The following SAMD12 variants were observed in gnomAD, a reference collection of about 807,000 sequenced individuals.
The protein encoded by SAMD12 is sterile alpha motif domain containing 12, also known as sterile alpha motif domain-containing protein 12.
A neutral mutation model predicts 15.0 loss-of-function variants in SAMD12; 9 were observed. That is an observed-to-expected ratio of 0.60 (90% confidence interval 0.36 to 1.05). The LOEUF (loss-of-function observed/expected upper bound fraction) is 1.05, where lower values mean the gene tolerates loss of function less well. SAMD12 is among the 50% of genes least tolerant of loss of function. The pLI, the probability that SAMD12 is intolerant of heterozygous loss-of-function variation, is 0.01. For missense variants in SAMD12, 230 were observed against 234.2 expected, an observed-to-expected ratio of 0.98 and a Z score of 0.12; for synonymous variants, 86 against 90.1, an observed-to-expected ratio of 0.96 and a Z score of 0.25.
intron 2 of SAMD12, among the ~76,000 whole-genome samples, chr8:118,560,865 T>A (rs181097754): frequency 8.5e-4 from 130 of 152,192 alleles, no homozygotes; most frequent in African/African-American, 3.0e-3. Flanking sequence ...AGAAAAATAA[T>A]ACAAACTTAT....
chr8:118,296,658 G>A lies in SAMD12; in HGVS notation c.433+82902C>T, dbSNP rs530426992. The stretch of plus-strand genomic sequence containing the variant: ...ATAGCAGCTATTTGCTGACACAGCC[G>A]AGATTGGAATAGAAACATGCCTTTC... On this transcript the variant is annotated intron_variant, in intron 4 of 4. Transcript: ENST00000409003. Among the ~76,000 whole-genome samples, 8 of 152,288 alleles carry A rather than the reference G, an allele frequency of 5.3e-5. No individual in the cohort carries two copies. In the East Asian group the frequency reaches 9.7e-4, roughly 18 times the overall value.
intron 2 of SAMD12, among the ~76,000 whole-genome samples, chr8:118,446,600 T>C (rs1822921414): frequency 6.6e-6 from 1 of 152,158 alleles, no homozygotes; most frequent in Non-Finnish European, 1.5e-5. Context: ...ATCCACAGCA[T>C]CCGAAAACGT....
chr8:118,518,573 T>G (rs1825306975), intron 2 of SAMD12, among the ~76,000 whole-genome samples: 1 of 152,188 alleles, frequency 6.6e-6, no homozygotes, highest in Admixed American at 6.5e-5. Context: ...CTTAATACTT[T>G]CTATGCTATC....
intron 2 of SAMD12, among the ~76,000 whole-genome samples, chr8:118,493,761 T>C (rs924729104): frequency 1.3e-5 from 2 of 152,084 alleles, no homozygotes; most frequent in African/African-American, 2.4e-5. Context: ...GTGTGCAACC[T>C]TGGGTGGAAC....
intron 2 of SAMD12, among the ~76,000 whole-genome samples, chr8:118,482,720 T>C (rs953918353): frequency 5.3e-5 from 8 of 152,196 alleles, no homozygotes; most frequent in African/African-American, 1.9e-4. Flanking sequence ...CTCACAGGTA[T>C]GGAAGGATGA....
At chr8:118,585,710 T>C (rs531860010) in intron 1 of SAMD12, among the ~76,000 whole-genome samples, 55 of 152,286 alleles carry the variant, frequency 3.6e-4, no homozygotes, top group African/African-American at 1.3e-3. Flanking sequence ...CCAAAACAGG[T>C]CTTGTCCTAA....
intron 2 of SAMD12, among the ~76,000 whole-genome samples, chr8:118,548,609 G>A (rs569567852): frequency 1.1e-4 from 16 of 152,288 alleles, no homozygotes; most frequent in South Asian, 1.0e-3. Flanking sequence ...CGCAGAAGAC[G>A]GGTGATTTCT....
chr8:118,260,209 T>G (rs1023968874), intron 4 of SAMD12, among the ~76,000 whole-genome samples: 4 of 152,152 alleles, frequency 2.6e-5, no homozygotes, highest in African/African-American at 9.7e-5. Flanking sequence ...GCTTTGGTCA[T>G]CCTGATGATT....
chr8:118,260,507 A>AG (rs1415337688), intron 4 of SAMD12, among the ~76,000 whole-genome samples: 1 of 152,062 alleles, frequency 6.6e-6, no homozygotes, highest in Non-Finnish European at 1.5e-5. Context: ...GGGAGTTCCT[A>AG]GTTGTGCTGG....
At chr8:118,346,654 C>T (rs1335072659) in intron 4 of SAMD12, among the ~76,000 whole-genome samples, 2 of 152,160 alleles carry the variant, frequency 1.3e-5, no homozygotes, top group Non-Finnish European at 2.9e-5. Context: ...CTGCGATTCA[C>T]TAGGAGAACT....
chr8:118,394,633 C>T (rs936385434), intron 3 of SAMD12, among the ~76,000 whole-genome samples: 4 of 152,142 alleles, frequency 2.6e-5, no homozygotes, highest in African/African-American at 9.7e-5. Flanking sequence ...CTGGGTTTAC[C>T]ATGTCTGTAG....
chr8:118,511,236 G>T (rs1448287650), intron 2 of SAMD12, among the ~76,000 whole-genome samples: 2 of 152,206 alleles, frequency 1.3e-5, no homozygotes. Context: ...CACTCAGAAT[G>T]ATGGGAATGG....
At chr8:118,133,733 C>T in the SAMD12 span, among the ~76,000 whole-genome samples, 11 of 151,676 alleles carry the variant, frequency 7.3e-5, no homozygotes, top group Non-Finnish European at 1.6e-4. Context: ...TGAAGTCTAC[C>T]TTAAAAGTGG....
intron 3 of SAMD12, 54 bp downstream of exon 3, chr8:118,439,778 T>G: frequency 6.4e-7 from 1 of 1,571,810 alleles, no homozygotes; most frequent in South Asian, 1.1e-5. Flanking sequence ...GGAAAGGCTA[T>G]CGTGACTGGG....
At chr8:118,471,207 T>G (rs1022790586) in intron 2 of SAMD12, among the ~76,000 whole-genome samples, 8 of 152,260 alleles carry the variant, frequency 5.3e-5, no homozygotes, top group Middle Eastern at 3.4e-3. Flanking sequence ...TTTTAAAAAT[T>G]ATAGAGAATA....
chr8:118,594,083 G>T (rs1827655382), intron 1 of SAMD12, among the ~76,000 whole-genome samples: 1 of 152,128 alleles, frequency 6.6e-6, no homozygotes, highest in South Asian at 2.1e-4. Context: ...AGAGACCCCA[G>T]ATTATCTCTG....
At chr8:118,600,416 CTT>C (rs1370635150) in intron 1 of SAMD12, among the ~76,000 whole-genome samples, 1 of 152,062 alleles carries the variant, frequency 6.6e-6, no homozygotes, top group Non-Finnish European at 1.5e-5. Flanking sequence ...GGTTGGCAAA[CTT>C]TTTCTATAAA....
At chr8:118,467,544 G>T (rs1431025218) in intron 2 of SAMD12, among the ~76,000 whole-genome samples, 1 of 152,166 alleles carries the variant, frequency 6.6e-6, no homozygotes, top group Non-Finnish European at 1.5e-5. Flanking sequence ...TGCAGAACAT[G>T]TGGCCATGAT....
At chr8:118,184,089 A>C in the SAMD12 span, among the ~76,000 whole-genome samples, 1 of 152,222 alleles carries the variant, frequency 6.6e-6, no homozygotes, top group Admixed American at 6.5e-5. Flanking sequence ...AGGAAATTAA[A>C]TCATATTTCA....
Sources: allele counts gnomAD v4.1 joint callset (sites outside exome capture counted in the v4.1 genomes callset), GRCh38; gene constraint gnomAD v4.1.1; transcripts MANE v1.5; gene names NCBI Gene and HGNC (gene_info 2026-07-23, HGNC 2026-07-21).